The following METTL15 variants were observed in gnomAD, a reference collection of about 807,000 sequenced individuals.
METTL15 encodes methyltransferase 15, mitochondrial 12S rRNA N4-cytidine.
METTL15 carries 34 observed loss-of-function variants against 38.3 expected under a neutral mutation model. The ratio of observed to expected loss-of-function variants is 0.89; its 90% CI spans 0.68 to 1.18. The LOEUF (loss-of-function observed/expected upper bound fraction) is 1.18. Among genes scored for constraint, METTL15 ranks in the 50% most tolerant of loss-of-function variants. The pLI is 0.00. For synonymous variants in METTL15, 162 were observed against 170.9 expected (o/e 0.95, Z 0.41); for missense variants, 438 against 498.4 (o/e 0.88, Z 1.15).
At chr11:28,225,040 T>G (rs1294669739) in intron 4 of METTL15, among the ~76,000 whole-genome samples, 1 of 151,844 alleles carries the variant, frequency 6.6e-6, no homozygotes, top group Non-Finnish European at 1.5e-5. Flanking sequence ...TTTTTAAGTA[T>G]GTTTTTAAAA....
chr11:28,203,457 A>G (rs1852190372), intron 3 of METTL15, among the ~76,000 whole-genome samples: 2 of 152,126 alleles, frequency 1.3e-5, no homozygotes, highest in Non-Finnish European at 2.9e-5. Flanking sequence ...CAATGTTTCC[A>G]TATGTATCTA....
intron 5 of METTL15, among the ~76,000 whole-genome samples, chr11:28,376,476 T>G (rs995308981): frequency 1.1e-4 from 17 of 152,318 alleles, no homozygotes; most frequent in African/African-American, 3.6e-4. Flanking sequence ...TATCAGAGAT[T>G]AGGATTGCAA....
intron 5 of METTL15, among the ~76,000 whole-genome samples, chr11:28,367,260 CACAG>C (rs1327330323): frequency 1.4e-5 from 2 of 147,650 alleles, no homozygotes; most frequent in Non-Finnish European, 3.0e-5. Flanking sequence ...ACCTGCAGTA[CACAG>C]ACAGATACTG....
rs962209107 is a variant in METTL15 at position 28,332,088 on chromosome 11, G to T, written c.*1247G>T. The T allele has an allele frequency of 1.3e-5, 2 of 150,774 alleles. No homozygotes were observed. Among genetic ancestry groups the T allele is most frequent in the African/African-American group, 4.9e-5 (2 of 40,732 alleles). 9.3% of individuals were successfully genotyped at this position (150,774 alleles called of 1,614,324 possible). ...CATAACTATGTGGGCAAAATAGATA[G>T]AATTAAATGCATGAATTTTCCTCAG... On this transcript the variant is annotated 3_prime_UTR_variant, in exon 7 of 7. Coordinates refer to ENST00000407364, the MANE Select transcript of METTL15 (RefSeq NM_001113528.2).
At chr11:28,325,751 T>C (rs1849615716) in intron 6 of METTL15, among the ~76,000 whole-genome samples, 1 of 152,318 alleles carries the variant, frequency 6.6e-6, no homozygotes, top group Middle Eastern at 3.4e-3. Context: ...CACAGGTGAC[T>C]GTGATGTACA....
chr11:28,164,531 T>A (rs554633685), intron 3 of METTL15, among the ~76,000 whole-genome samples: 2 of 152,186 alleles, frequency 1.3e-5, no homozygotes, highest in South Asian at 4.1e-4. Flanking sequence ...CTCAATTTTT[T>A]AAAAAAGTGT....
At chr11:28,460,931 A>C (rs966821326) in intron 6 of METTL15, among the ~76,000 whole-genome samples, 12 of 152,096 alleles carry the variant, frequency 7.9e-5, no homozygotes, top group Non-Finnish European at 1.6e-4. Flanking sequence ...GAGTAGAATG[A>C]GAGAGAAAGA....
At chr11:28,132,050 A>G (rs1849357353) in intron 3 of METTL15, among the ~76,000 whole-genome samples, 1 of 152,210 alleles carries the variant, frequency 6.6e-6, no homozygotes, top group Non-Finnish European at 1.5e-5. Flanking sequence ...CATAGTGAAG[A>G]TTAGAAGTAG....
At chr11:28,363,658 T>C (rs1850160950) in intron 5 of METTL15, among the ~76,000 whole-genome samples, 1 of 152,234 alleles carries the variant, frequency 6.6e-6, no homozygotes, top group Non-Finnish European at 1.5e-5. Context: ...CTGTTGGTAA[T>C]TTATATTGCT....
intron 3 of METTL15, among the ~76,000 whole-genome samples, chr11:28,347,345 G>A (rs1252730396): frequency 6.6e-6 from 1 of 152,194 alleles, no homozygotes; most frequent in African/African-American, 2.4e-5. Context: ...TTGGCTGAAG[G>A]ATTCATGAAT....
At chr11:28,292,682 A>G (rs1856566385) in intron 5 of METTL15, among the ~76,000 whole-genome samples, 1 of 152,164 alleles carries the variant, frequency 6.6e-6, no homozygotes, top group Non-Finnish European at 1.5e-5. Flanking sequence ...CCAACAGTGT[A>G]AAAGTGTTCC....
At chr11:28,357,065 A>G (rs903526809) in intron 4 of METTL15, among the ~76,000 whole-genome samples, 1 of 152,210 alleles carries the variant, frequency 6.6e-6, no homozygotes, top group African/African-American at 2.4e-5. Context: ...TACACACAGA[A>G]CAGTTCTTTG....
intron 5 of METTL15, among the ~76,000 whole-genome samples, chr11:28,412,629 C>T (rs369070449): frequency 3.5e-4 from 53 of 151,868 alleles, no homozygotes; most frequent in South Asian, 6.2e-4. Flanking sequence ...GTAAAATAAA[C>T]CAAACGCAGA....
intron 4 of METTL15, among the ~76,000 whole-genome samples, chr11:28,218,073 A>C (rs1033748109): frequency 3.3e-5 from 5 of 152,104 alleles, no homozygotes; most frequent in African/African-American, 1.2e-4. Flanking sequence ...ACTTCAAAGT[A>C]GTTTTTTCCT....
chr11:28,290,457 G>A, intron 5 of METTL15, 60 bp downstream of exon 5: 1 of 1,497,726 alleles, frequency 6.7e-7, no homozygotes, highest in Admixed American at 2.0e-5. Context: ...AAAACACTCT[G>A]AATTTAATTT....
chr11:28,407,376 A>G (rs1850683401), intron 5 of METTL15, among the ~76,000 whole-genome samples: 1 of 152,196 alleles, frequency 6.6e-6, no homozygotes, highest in Non-Finnish European at 1.5e-5. Context: ...TGAATGGACA[A>G]CCTGTGGAAT....
chr11:28,151,180 A>G (rs1850075711), intron 3 of METTL15, among the ~76,000 whole-genome samples: 1 of 151,890 alleles, frequency 6.6e-6, no homozygotes, highest in African/African-American at 2.4e-5. Flanking sequence ...AACTCTAAAT[A>G]TTATACTATA....
intron 3 of METTL15, 84 bp from the exon 4 acceptor site, chr11:28,210,978 T>G: frequency 7.3e-7 from 1 of 1,367,604 alleles, no homozygotes; most frequent in Non-Finnish European, 9.9e-7. Flanking sequence ...TGAAAATCAT[T>G]GTGTGCTTCT....
chr11:28,492,855 TTCAGGTACA>T, intron 6 of METTL15, among the ~76,000 whole-genome samples: 1 of 152,252 alleles, frequency 6.6e-6, no homozygotes, highest in African/African-American at 2.4e-5. Flanking sequence ...GTAAGGATTT[TTCAGGTACA>T]TCAGGTACAT....
Sources: gnomAD v4.1 joint callset for allele counts (sites outside exome capture counted in the v4.1 genomes callset) on GRCh38, gnomAD v4.1.1 for gene constraint, MANE v1.5 for transcripts, NCBI Gene and HGNC (gene_info 2026-07-23, HGNC 2026-07-21) for gene names.